Variants in TMCO1 observed in about 807,000 individuals in gnomAD.
TMCO1 encodes the protein calcium load-activated calcium channel.
TMCO1 carries 29 observed loss-of-function variants against 29.3 expected under a neutral mutation model. That is an observed-to-expected ratio of 0.99 (90% CI 0.74 to 1.35). TMCO1 has a LOEUF of 1.35. Ranked by LOEUF, TMCO1 falls within the 40% of genes most tolerant of loss-of-function variation. The pLI is 0.00. For synonymous variants in TMCO1, 80 were observed against 77.1 expected, an observed-to-expected ratio of 1.04 and a Z score of -0.20; for missense variants, 173 against 225.5, an observed-to-expected ratio of 0.77 and a Z score of 1.49.
intron 6 of TMCO1, 49 bp downstream of exon 6, chr1:165,743,118 T>A (rs1651656703): frequency 6.2e-7 from 1 of 1,606,422 alleles, no homozygotes; most frequent in South Asian, 1.1e-5. Context: ...CTAATTGGTA[T>A]GACAGCAAGG....
intron 3 of TMCO1, chr1:165,754,707 G>C (rs1652130459): frequency 6.1e-6 from 1 of 163,620 alleles, no homozygotes; most frequent in African/African-American, 2.4e-5. Flanking sequence ...CAGTTGATAG[G>C]ATGAACTTAA....
chr1:165,757,989 G>C (rs1385052505), intron 3 of TMCO1, among the ~76,000 whole-genome samples: 3 of 152,060 alleles, frequency 2.0e-5, no homozygotes, highest in Non-Finnish European at 4.4e-5. Flanking sequence ...AGTTGTCCAT[G>C]TTGAATGTCT....
At chr1:165,738,570 A>G (rs1385564698) in intron 6 of TMCO1, among the ~76,000 whole-genome samples, 1 of 152,252 alleles carries the variant, frequency 6.6e-6, no homozygotes, top group Non-Finnish European at 1.5e-5. Flanking sequence ...GAAGAAGCAT[A>G]TATTCCATGA....
chr1:165,729,232 G>A (rs2101784461), intron 6 of TMCO1, among the ~76,000 whole-genome samples: 1 of 149,218 alleles, frequency 6.7e-6, no homozygotes, highest in African/African-American at 2.5e-5. Flanking sequence ...TTTTTCCATT[G>A]TTTCACCTAC....
intron 6 of TMCO1, among the ~76,000 whole-genome samples, chr1:165,735,409 C>A (rs1651328192): frequency 6.6e-6 from 1 of 151,988 alleles, no homozygotes; most frequent in Non-Finnish European, 1.5e-5. Context: ...TACTGGAAAA[C>A]CACAGCTACT....
Position 165,735,877 on chromosome 1 carries a change from C to T in TMCO1, c.468+7290G>A, listed in dbSNP as rs143580000. 3.3e-4 allele frequency among the ~76,000 whole-genome samples: 50 copies of T among 152,322 alleles called. No homozygotes were observed. The East Asian group carries it at 6.7e-3, about 21-fold the overall frequency. On this transcript the variant is annotated intron_variant, in intron 6 of 6. Coordinates refer to ENST00000367881, the MANE Select transcript of TMCO1 (RefSeq NM_019026.6). Reference sequence around the variant, plus strand: ...AGCAGCCCAGTTAAGACTAAAATAACTGACCTGAGACTTCAGCTGCCATCT... The same window carrying T: ...AGCAGCCCAGTTAAGACTAAAATAATTGACCTGAGACTTCAGCTGCCATCT...
chr1:165,755,525 G>A (rs1652162349), intron 3 of TMCO1, among the ~76,000 whole-genome samples: 1 of 152,012 alleles, frequency 6.6e-6, no homozygotes, highest in African/African-American at 2.4e-5. Context: ...CTTAAAATTA[G>A]CCAGGCATGG....
chr1:165,752,028 A>T, intron 5 of TMCO1, 74 bp downstream of exon 5: 1 of 1,242,716 alleles, frequency 8.0e-7, no homozygotes, highest in Non-Finnish European at 1.2e-6. Flanking sequence ...TATTTTACCC[A>T]AAAAGTTCAT....
chr1:165,732,806 G>C (rs1429597354), intron 6 of TMCO1, among the ~76,000 whole-genome samples: 3 of 152,054 alleles, frequency 2.0e-5, no homozygotes, highest in African/African-American at 7.2e-5. Context: ...GGAATATAAA[G>C]TATTTAAGAA....
chr1:165,759,585 C>G lies in TMCO1; in HGVS notation c.149-1G>C. Reference sequence around the variant, plus strand: ...GTTATTGTTTCCTTCTTCTTTTCCACTGTAAACAACATAGTAACACAGTAA... The same window carrying G: ...GTTATTGTTTCCTTCTTCTTTTCCAGTGTAAACAACATAGTAACACAGTAA... On this transcript the variant is annotated splice_acceptor_variant, in intron 2 of 6. Coordinates refer to ENST00000367881, the MANE Select transcript of TMCO1 (RefSeq NM_019026.6). LOFTEE classifies it high-confidence loss of function. 1 of 1,611,964 alleles carries G rather than the reference C, an allele frequency of 6.2e-7. No individual in the cohort carries two copies. The highest frequency in any genetic ancestry group is 8.5e-7 in the Non-Finnish European group (1 of 1,178,514).
chr1:165,754,194 T>A, intron 4 of TMCO1, 34 bp downstream of exon 4: 1 of 1,568,204 alleles, frequency 6.4e-7, no homozygotes, highest in Non-Finnish European at 8.8e-7. Context: ...AAATATTATG[T>A]GGTTAACCAT....
downstream of TMCO1, chr1:165,725,896 A>T: frequency 1.7e-6 from 1 of 586,510 alleles, no homozygotes. Context: ...AATTTTAATG[A>T]ATAGGGTGAA....
intron 4 of TMCO1, 142 bp downstream of exon 4, chr1:165,754,086 G>T (rs183910485): frequency 2.9e-6 from 2 of 701,404 alleles, no homozygotes; most frequent in African/African-American, 1.8e-5. Context: ...CTTCCATTTG[G>T]TCCAGGAACA....
Position 165,768,807 on chromosome 1 carries a change from G to C in TMCO1, c.-56C>G, listed in dbSNP as rs779533546. On this transcript the variant is annotated 5_prime_UTR_variant, in exon 1 of 7. Transcript: ENST00000367881. Reference sequence around the variant, plus strand: ...CCAGGGGGAAAGCGCTCTACAGCCAGGAAAAGTGAAGCGAAAACGGCTTCC... The same window carrying C: ...CCAGGGGGAAAGCGCTCTACAGCCACGAAAAGTGAAGCGAAAACGGCTTCC... 1 of 1,612,526 alleles carries C rather than the reference G, an allele frequency of 6.2e-7. No individual in the cohort carries two copies. Among genetic ancestry groups the C allele is most frequent in the African/African-American group, 1.3e-5 (1 of 74,900 alleles).
chr1:165,747,033 G>A (rs1387500486), intron 5 of TMCO1, among the ~76,000 whole-genome samples: 1 of 152,114 alleles, frequency 6.6e-6, no homozygotes, highest in Non-Finnish European at 1.5e-5. Context: ...GGCTGAGGCA[G>A]GTGGATCACT....
intron 6 of TMCO1, among the ~76,000 whole-genome samples, chr1:165,738,377 T>C (rs902431020): frequency 2.0e-5 from 3 of 152,202 alleles, no homozygotes; most frequent in Non-Finnish European, 2.9e-5. Context: ...CACGGTACAG[T>C]CTACAATTTG....
chr1:165,765,628 T>G (rs1652541362), intron 2 of TMCO1, among the ~76,000 whole-genome samples: 2 of 152,166 alleles, frequency 1.3e-5, no homozygotes, highest in Admixed American at 6.5e-5. Context: ...GAGGTGATGT[T>G]GGAACAAAGA....
At chr1:165,762,914 T>A (rs1260076245) in intron 2 of TMCO1, among the ~76,000 whole-genome samples, 3 of 152,198 alleles carry the variant, frequency 2.0e-5, no homozygotes. Flanking sequence ...CTTTCATTAG[T>A]ATATATTATA....
chr1:165,743,398 G>C, intron 5 of TMCO1, 87 bp from the exon 6 acceptor site: 13 of 1,389,546 alleles, frequency 9.4e-6, no homozygotes, highest in Non-Finnish European at 1.2e-5. Flanking sequence ...GACAGAAATA[G>C]AGCTTTAAGT....
Sources: allele counts gnomAD v4.1 joint callset (sites outside exome capture counted in the v4.1 genomes callset), GRCh38; gene constraint gnomAD v4.1.1; transcripts MANE v1.5; gene names NCBI Gene and HGNC (gene_info 2026-07-23, HGNC 2026-07-21).